The following ZDHHC14 variants were observed in gnomAD, a reference collection of about 807,000 sequenced individuals.
ZDHHC14 encodes zDHHC palmitoyltransferase 14.
In ZDHHC14, 16 loss-of-function variants were observed where a neutral mutation model predicts 47.7. The ratio of observed to expected loss-of-function variants is 0.34; its 90% CI spans 0.23 to 0.51. The LOEUF is 0.51. Ranked by LOEUF, ZDHHC14 falls within the 20% of genes least tolerant of loss-of-function variation. ZDHHC14 has a pLI of 0.97. For synonymous variants in ZDHHC14, 293 were observed against 278.9 expected (o/e 1.05, Z -0.50); for missense variants, 515 against 662.5 (o/e 0.78, Z 2.44).
At chr6:157,482,912 T>C (rs180960632) in intron 1 of ZDHHC14, among the ~76,000 whole-genome samples, 5 of 152,110 alleles carry the variant, frequency 3.3e-5, no homozygotes, top group African/African-American at 9.6e-5. Flanking sequence ...CTGGCTAATT[T>C]TTGTATTTTT....
At chr6:157,521,297 T>C (rs35209894) in intron 1 of ZDHHC14, among the ~76,000 whole-genome samples, 113,559 of 152,178 alleles carry the variant, frequency 0.75, 42,986 homozygotes, top group African/African-American at 0.86. Flanking sequence ...TCACACAATA[T>C]GGGCTCAAAA....
At chr6:157,608,079 A>G (rs565573542) in intron 3 of ZDHHC14, among the ~76,000 whole-genome samples, 6 of 152,340 alleles carry the variant, frequency 3.9e-5, no homozygotes, top group East Asian at 1.9e-4. Flanking sequence ...TTTTTCACCA[A>G]CGAATTGAAA....
At chr6:157,421,768 C>T (rs552936094) in intron 1 of ZDHHC14, among the ~76,000 whole-genome samples, 44 of 152,040 alleles carry the variant, frequency 2.9e-4, no homozygotes, top group African/African-American at 1.0e-3. Context: ...CCATGACGCC[C>T]GGCTAATTTT....
intron 3 of ZDHHC14, among the ~76,000 whole-genome samples, chr6:157,601,743 A>G (rs1784343874): frequency 6.6e-6 from 1 of 152,166 alleles, no homozygotes; most frequent in Admixed American, 6.5e-5. Context: ...TGAGTTACAG[A>G]AAGTGACTTC....
At chr6:157,382,308 G>T (rs1200105856) in intron 1 of ZDHHC14, 42 bp downstream of exon 1, 1 of 1,605,588 alleles carries the variant, frequency 6.2e-7, no homozygotes, top group Non-Finnish European at 8.5e-7. Flanking sequence ...CACTCCCCTG[G>T]TCTCCCCTGT....
intron 2 of ZDHHC14, among the ~76,000 whole-genome samples, chr6:157,581,347 T>C (rs1030272651): frequency 7.2e-5 from 11 of 151,914 alleles, no homozygotes; most frequent in African/African-American, 2.7e-4. Context: ...GATTGTGTGG[T>C]CAATTTAAGA....
chr6:157,492,927 G>A (rs1280740627), intron 1 of ZDHHC14, among the ~76,000 whole-genome samples: 2 of 152,164 alleles, frequency 1.3e-5, no homozygotes, highest in African/African-American at 4.8e-5. Flanking sequence ...TGTGGGAAGG[G>A]AAGGCAGGGA....
rs917570086 is a variant in ZDHHC14, at chr6:157,675,625, A to T, written c.*2503A>T. 1.3e-5 allele frequency: 2 copies of T among 152,188 alleles called. No homozygotes were observed. Among genetic ancestry groups the T allele is most frequent in the African/African-American group, 4.8e-5 (2 of 41,434 alleles). The allele number at this position is 152,188 out of a possible 1,614,324, so 9.4% of individuals were successfully genotyped here. ...GCTTGAAAAAGAAACCCAGCATCAG[A>T]GGAATGAGCGATGATGCCCCCTGGG... On this transcript the variant is annotated 3_prime_UTR_variant, in exon 9 of 9. Coordinates refer to ENST00000359775, the MANE Select transcript of ZDHHC14 (RefSeq NM_024630.3).
chr6:157,452,869 AT>A (rs992341612), intron 1 of ZDHHC14, among the ~76,000 whole-genome samples: 1 of 151,408 alleles, frequency 6.6e-6, no homozygotes, highest in Non-Finnish European at 1.5e-5. Flanking sequence ...CACCCGGCTA[AT>A]TTTTTTGTAT....
chr6:157,653,379 C>T (rs58937781), intron 7 of ZDHHC14, 146 bp from the exon 8 acceptor site: 29 of 713,784 alleles, frequency 4.1e-5, no homozygotes, highest in African/African-American at 7.1e-5. Flanking sequence ...TGATTATACA[C>T]GAAAGTGAGG....
intron 1 of ZDHHC14, among the ~76,000 whole-genome samples, chr6:157,508,609 G>A (rs957483864): frequency 1.3e-5 from 2 of 152,136 alleles, no homozygotes; most frequent in African/African-American, 2.4e-5. Context: ...CTGGGCTCAA[G>A]CAATCAGATG....
intron 1 of ZDHHC14, among the ~76,000 whole-genome samples, chr6:157,429,710 C>T (rs1004809734): frequency 3.3e-5 from 5 of 152,094 alleles, no homozygotes; most frequent in Non-Finnish European, 5.9e-5. Flanking sequence ...CTGGATAAAG[C>T]AGGCCTGGAA....
At chr6:157,429,253 G>T (rs1034281742) in intron 1 of ZDHHC14, among the ~76,000 whole-genome samples, 32 of 152,276 alleles carry the variant, frequency 2.1e-4, no homozygotes, top group African/African-American at 7.0e-4. Flanking sequence ...CAACTTACTA[G>T]GTTGCTGGTC....
rs1191698330 is a variant in ZDHHC14 at position 157,502,794 on chromosome 6, G to A, written c.246-39791G>A. Among the ~76,000 whole-genome samples, 3 of 152,088 alleles carry A rather than the reference G, an allele frequency of 2.0e-5. No homozygotes were observed. Among genetic ancestry groups the A allele is most frequent in the South Asian group, 2.1e-4 (1 of 4,826 alleles). ...CAACCTCCGCCTCCCAGGTTCAAGC[G>A]ATTCTCCTGGCTCAGCCTCTCAAGT... On this transcript the variant is annotated intron_variant, in intron 1 of 8. Transcript: ENST00000359775. The surrounding 1 kb of genome is among the most constrained non-coding windows in gnomAD (Gnocchi z 4.0).
chr6:157,498,667 G>A (rs939159101), intron 1 of ZDHHC14, among the ~76,000 whole-genome samples: 2 of 152,122 alleles, frequency 1.3e-5, no homozygotes, highest in Non-Finnish European at 2.9e-5. Context: ...CATTGAACAG[G>A]GAGAAAACAT....
At chr6:157,559,579 C>T (rs553837814) in intron 2 of ZDHHC14, among the ~76,000 whole-genome samples, 1 of 152,232 alleles carries the variant, frequency 6.6e-6, no homozygotes, top group Non-Finnish European at 1.5e-5. Context: ...AGGGCATCTT[C>T]CTGGAATAAC....
intron 2 of ZDHHC14, among the ~76,000 whole-genome samples, chr6:157,573,288 C>G (rs2114860896): frequency 6.6e-6 from 1 of 152,334 alleles, no homozygotes; most frequent in Non-Finnish European, 1.5e-5. Context: ...CGGGTGCACC[C>G]TGTGCTCCCT....
intron 1 of ZDHHC14, among the ~76,000 whole-genome samples, chr6:157,501,289 A>C (rs1233871938): frequency 6.6e-6 from 1 of 152,032 alleles, no homozygotes; most frequent in Non-Finnish European, 1.5e-5. Flanking sequence ...CATACTTTAT[A>C]TGGTTTCTAA....
chr6:157,569,116 CT>C (rs1783009812), intron 2 of ZDHHC14, among the ~76,000 whole-genome samples: 1 of 151,822 alleles, frequency 6.6e-6, no homozygotes, highest in Admixed American at 6.6e-5. Flanking sequence ...TGTTGCCAAA[CT>C]TATGTGACAA....
Sources: allele counts gnomAD v4.1 joint callset (sites outside exome capture counted in the v4.1 genomes callset), GRCh38; gene constraint gnomAD v4.1.1; non-coding constraint Gnocchi (gnomAD v3.1); transcripts MANE v1.5; gene names NCBI Gene and HGNC (gene_info 2026-07-23, HGNC 2026-07-21).